Variants in CACNA1A observed in about 807,000 individuals in gnomAD.
CACNA1A encodes calcium voltage-gated channel subunit alpha1 A.
A neutral mutation model predicts 262.4 loss-of-function variants in CACNA1A; 57 were observed. The ratio of observed to expected loss-of-function variants is 0.22; its 90% CI spans 0.18 to 0.27. The LOEUF is 0.27. CACNA1A is among the 10% of genes least tolerant of loss of function. The pLI is 1.00. For missense variants in CACNA1A, 2,526 were observed against 3,562.8 expected, an observed-to-expected ratio of 0.71 and a Z score of 7.41; for synonymous variants, 1,431 against 1,419.3, an observed-to-expected ratio of 1.01 and a Z score of -0.18.
At chr19:13,337,957 C>T (rs1193330709) in intron 6 of CACNA1A, among the ~76,000 whole-genome samples, 10 of 152,260 alleles carry the variant, frequency 6.6e-5, no homozygotes, top group Admixed American at 1.3e-4. Flanking sequence ...CGGTGGCTCA[C>T]GCCTGCAATC....
chr19:13,273,540 T>G (rs1003627596), intron 24 of CACNA1A: 16 of 152,214 alleles, frequency 1.1e-4, no homozygotes, highest in Admixed American at 1.3e-4. Flanking sequence ...TTTAAAGACA[T>G]GGACTCCTTG....
Position 13,261,497 on chromosome 19 carries a change from T to C in CACNA1A, c.4203A>G (p.Lys1401=), listed in dbSNP as rs1160017642. The part of the protein sequence containing the change: ...AVVAVQLFKG[K]FFHCTDESKE... ...TGGACTCGTCAGTGCAGTGGAAGAA[T>C]TTCCCCTTGAAGAGCTGCACAGCCA... Residue 1401 remains lysine, a synonymous_variant, in exon 26 of 47, where the codon AAA becomes AAG. Coordinates refer to ENST00000360228, the MANE Select transcript of CACNA1A (RefSeq NM_001127222.2). 1.9e-6 allele frequency: 3 copies of C among 1,589,504 alleles called. No homozygotes were observed. The highest frequency in any genetic ancestry group is 2.6e-6 in the Non-Finnish European group (3 of 1,168,108).
At chr19:13,486,681 CTCTTCTT>C (rs1980038586) in intron 1 of CACNA1A, among the ~76,000 whole-genome samples, 1 of 86,048 alleles carries the variant, frequency 1.2e-5, no homozygotes, top group Non-Finnish European at 2.2e-5. Flanking sequence ...AATATTCTCT[CTCTTCTT>C]TCTGTCTCTC....
chr19:13,435,534 G>T (rs2060595637), intron 3 of CACNA1A, among the ~76,000 whole-genome samples: 1 of 152,102 alleles, frequency 6.6e-6, no homozygotes, highest in Admixed American at 6.6e-5. Context: ...AGGTGAGCAG[G>T]AAGGGTGCTC....
rs1377660711 is a variant in CACNA1A at position 13,285,321 on chromosome 19, T to C, written c.3554-115A>G. 6.3e-6 allele frequency: 7 copies of C among 1,105,222 alleles called. No individual in the cohort carries two copies. The African/African-American group carries it at 1.1e-4, about 17-fold the overall frequency. The allele number at this position is 1,105,222 out of a possible 1,614,324, so 68.5% of individuals were successfully genotyped here. ...CGGCTGACATTTCTAAAGTGCCTGCTGTATATACCAGGCATCTTATGACAT... is the reference window on the plus strand; with the variant it reads ...CGGCTGACATTTCTAAAGTGCCTGCCGTATATACCAGGCATCTTATGACAT... On this transcript the variant is annotated intron_variant, in intron 20 of 46. Transcript: ENST00000360228.
chr19:13,458,192 C>T (rs1399320088), intron 1 of CACNA1A, among the ~76,000 whole-genome samples: 1 of 152,102 alleles, frequency 6.6e-6, no homozygotes, highest in African/African-American at 2.4e-5. Flanking sequence ...CACAATTTTG[C>T]TCTGTCACCC....
intron 19 of CACNA1A, among the ~76,000 whole-genome samples, chr19:13,291,036 CG>C (rs1445096971): frequency 6.6e-6 from 1 of 152,052 alleles, no homozygotes; most frequent in Non-Finnish European, 1.5e-5. Context: ...TATCAATTTC[CG>C]GGAGGTTTCA....
chr19:13,444,553 T>C (rs573520076), intron 3 of CACNA1A, among the ~76,000 whole-genome samples: 43 of 152,196 alleles, frequency 2.8e-4, no homozygotes, highest in Non-Finnish European at 5.7e-4. Context: ...AGCGAGGAAC[T>C]GGGATTATTC....
At chr19:13,466,706 C>A (rs28689058) in intron 1 of CACNA1A, among the ~76,000 whole-genome samples, 17,006 of 150,316 alleles carry the variant, frequency 0.11, 2,380 homozygotes, top group African/African-American at 0.34. Context: ...TAATAATAAT[C>A]ATCATCATCA....
Position 13,493,113 on chromosome 19 carries a change from C to T in CACNA1A, c.293+12819G>A, listed in dbSNP as rs1007937340. Among the ~76,000 whole-genome samples, 2 of 152,196 alleles carry T rather than the reference C, an allele frequency of 1.3e-5. 1 individual carries two copies. The highest frequency in any genetic ancestry group is 4.1e-4 in the South Asian group (2 of 4,830). On this transcript the variant is annotated intron_variant, in intron 1 of 46. Coordinates refer to ENST00000360228, the MANE Select transcript of CACNA1A (RefSeq NM_001127222.2). ...TGGGTGAGATTTCCTTCTATACACT[C>T]ATCTATATTTACATCAACGAATCTG...
intron 2 of CACNA1A, among the ~76,000 whole-genome samples, chr19:13,454,234 C>T (rs920227289): frequency 5.9e-5 from 9 of 151,692 alleles, no homozygotes; most frequent in African/African-American, 1.7e-4. Flanking sequence ...TCGCAACCCT[C>T]GAATCATGCC....
At chr19:13,408,155 T>C (rs117628576) in intron 3 of CACNA1A, among the ~76,000 whole-genome samples, 2,069 of 152,236 alleles carry the variant, frequency 0.014, 35 homozygotes, top group Non-Finnish European at 0.019. Context: ...TTTATAGCAA[T>C]GTGAGAACAA....
At chr19:13,371,493 T>C in intron 4 of CACNA1A, 195 bp downstream of exon 4, 2 of 579,390 alleles carry the variant, frequency 3.5e-6, no homozygotes, top group Non-Finnish European at 3.1e-6. Flanking sequence ...GTGTGGCTCC[T>C]AGTTTGCTTT....
At chr19:13,488,049 G>C (rs930659769) in intron 1 of CACNA1A, among the ~76,000 whole-genome samples, 1 of 152,104 alleles carries the variant, frequency 6.6e-6, no homozygotes, top group African/African-American at 2.4e-5. Flanking sequence ...CAAAGTGCTA[G>C]GATTATAGGT....
At chr19:13,270,460 G>C (rs1189368484) in intron 24 of CACNA1A, among the ~76,000 whole-genome samples, 1 of 152,052 alleles carries the variant, frequency 6.6e-6, no homozygotes, top group Non-Finnish European at 1.5e-5. Context: ...GAACCTCAGA[G>C]CATCCATGCT....
chr19:13,334,150 G>A lies in CACNA1A; in HGVS notation c.1198+228C>T, dbSNP rs115114908. Reference sequence around the variant, plus strand: ...TGGCAGGGCCGGGATGTAAACCAGCGTCTGATTTCAGAATTCAAGTTACGT... The same window carrying A: ...TGGCAGGGCCGGGATGTAAACCAGCATCTGATTTCAGAATTCAAGTTACGT... On this transcript the variant is annotated intron_variant, in intron 8 of 46. Coordinates refer to ENST00000360228, the MANE Select transcript of CACNA1A (RefSeq NM_001127222.2). The A allele has an allele frequency of 4.1e-3, 2,105 of 511,460 alleles. 31 individuals carry two copies. Among genetic ancestry groups the A allele is most frequent in the African/African-American group, 0.035 (1,832 of 52,520 alleles). The allele number at this position is 511,460 out of a possible 1,614,324, so 31.7% of individuals were successfully genotyped here. A position where few individuals can be genotyped will look rare whatever the true frequency, so the allele number is the denominator to read the frequency against.
intron 9 of CACNA1A, among the ~76,000 whole-genome samples, chr19:13,332,173 T>G (rs10413797): frequency 0.55 from 83,872 of 151,432 alleles, 24,646 homozygotes; most frequent in East Asian, 0.96. Context: ...GGCCAAGGTG[T>G]GCAGATCATT....
At chr19:13,417,952 AG>A (rs1473113197) in intron 3 of CACNA1A, among the ~76,000 whole-genome samples, 1 of 150,586 alleles carries the variant, frequency 6.6e-6, no homozygotes, top group Non-Finnish European at 1.5e-5. Flanking sequence ...CTCCATGGCC[AG>A]CCCTGTCCCC....
intron 1 of CACNA1A, among the ~76,000 whole-genome samples, chr19:13,482,015 G>A (rs1157189936): frequency 6.6e-6 from 1 of 152,016 alleles, no homozygotes; most frequent in Non-Finnish European, 1.5e-5. Flanking sequence ...CCACACTCAA[G>A]CTTGGCATAG....
Sources: gnomAD v4.1 joint callset for allele counts (sites outside exome capture counted in the v4.1 genomes callset) on GRCh38, gnomAD v4.1.1 for gene constraint, MANE v1.5 for transcripts, NCBI Gene and HGNC (gene_info 2026-07-23, HGNC 2026-07-21) for gene names.